TBC1D22B: variants seen among roughly 807,000 people sequenced by gnomAD.
The protein encoded by TBC1D22B is TBC1 domain family member 22B.
Under a neutral mutation model 69.1 loss-of-function variants are expected in TBC1D22B, and 32 were observed. The observed-to-expected ratio is 0.46, with a 90% CI of 0.35 to 0.62. The LOEUF (loss-of-function observed/expected upper bound fraction) is 0.62. TBC1D22B is among the 20% of genes least tolerant of loss of function. The probability of loss-of-function intolerance (pLI) is 0.00; values close to 1 mark genes in which losing one functional copy is unlikely to be tolerated. For synonymous variants in TBC1D22B, 206 were observed against 229.8 expected (o/e 0.90, Z 0.94); for missense variants, 462 against 630.9 (o/e 0.73, Z 2.87).
intron 12 of TBC1D22B, among the ~76,000 whole-genome samples, chr6:37,320,539 C>T (rs1768210178): frequency 6.6e-6 from 1 of 152,104 alleles, no homozygotes; most frequent in East Asian, 1.9e-4. Context: ...GCTTTAAAAA[C>T]CCACTTTTCT....
intron 1 of TBC1D22B, among the ~76,000 whole-genome samples, chr6:37,265,081 A>G (rs556030530): frequency 2.4e-4 from 36 of 152,184 alleles, no homozygotes; most frequent in Non-Finnish European, 4.6e-4. Context: ...TTATTATACA[A>G]AGTGTTCCAG....
At chr6:37,266,019 T>C (rs1443328520) in intron 1 of TBC1D22B, among the ~76,000 whole-genome samples, 1 of 152,246 alleles carries the variant, frequency 6.6e-6, no homozygotes, top group Non-Finnish European at 1.5e-5. Flanking sequence ...GAGTGTTTGC[T>C]GGGTAGTGTT....
intron 1 of TBC1D22B, among the ~76,000 whole-genome samples, chr6:37,267,955 A>G (rs1407279203): frequency 6.6e-6 from 1 of 152,096 alleles, no homozygotes; most frequent in Admixed American, 6.6e-5. Context: ...TCCTTTTAAC[A>G]TTTGCCAATT....
Position 37,257,819 on chromosome 6 carries a change from G to A in TBC1D22B, c.-99G>A. On this transcript the variant is annotated 5_prime_UTR_variant, in exon 1 of 13. Coordinates refer to ENST00000373491, the MANE Select transcript of TBC1D22B (RefSeq NM_017772.4). ...GAGCTGGGAGCGGGTGACCGGCGGC[G>A]GGGAAGCGGCCTGGGTTGGCCCTCA... 1 of 1,369,482 alleles carries A rather than the reference G, an allele frequency of 7.3e-7. No individual in the cohort carries two copies. The highest frequency in any genetic ancestry group is 1.0e-6 in the Non-Finnish European group (1 of 997,676). The allele number at this position is 1,369,482 out of a possible 1,614,324, so 84.8% of individuals were successfully genotyped here.
intron 7 of TBC1D22B, among the ~76,000 whole-genome samples, chr6:37,288,546 G>A (rs1767078230): frequency 6.6e-6 from 1 of 152,114 alleles, no homozygotes; most frequent in Non-Finnish European, 1.5e-5. Context: ...AGACCAGTCT[G>A]GGTAACATAG....
chr6:37,309,403 AT>A (rs1767836474), intron 8 of TBC1D22B, among the ~76,000 whole-genome samples: 1 of 152,148 alleles, frequency 6.6e-6, no homozygotes. Flanking sequence ...TTATGCTTGT[AT>A]TTGCATTGCA....
chr6:37,310,247 A>C (rs1767863070), intron 8 of TBC1D22B, among the ~76,000 whole-genome samples: 1 of 149,964 alleles, frequency 6.7e-6, no homozygotes, highest in African/African-American at 2.4e-5. Context: ...AAAACAAAAA[A>C]ACCTACATAG....
At chr6:37,285,315 C>CTTTTTTTTTTTTT (rs756459599) in intron 6 of TBC1D22B, among the ~76,000 whole-genome samples, 2 of 73,552 alleles carry the variant, frequency 2.7e-5, no homozygotes, top group African/African-American at 5.9e-5. Context: ...TCCTTCCCCA[C>CTTTTTTTTTTTTT]TTTTTTTTTT....
At chr6:37,313,345 C>T (rs1204054992) in intron 9 of TBC1D22B, among the ~76,000 whole-genome samples, 1 of 152,050 alleles carries the variant, frequency 6.6e-6, no homozygotes, top group East Asian at 1.9e-4. Flanking sequence ...TTAAAATTAG[C>T]CAGGCGTGGT....
chr6:37,288,913 G>C (rs1394093482), intron 7 of TBC1D22B, among the ~76,000 whole-genome samples: 1 of 152,026 alleles, frequency 6.6e-6, no homozygotes, highest in African/African-American at 2.4e-5. Context: ...TTAAGAGACA[G>C]GGTCTCACTC....
intron 1 of TBC1D22B, among the ~76,000 whole-genome samples, chr6:37,266,998 A>G (rs1766298206): frequency 7.4e-6 from 1 of 135,304 alleles, no homozygotes; most frequent in African/African-American, 2.8e-5. Flanking sequence ...GTGCAGTGAC[A>G]CGATGATAGG....
At chr6:37,261,180 C>G (rs968403979) in intron 1 of TBC1D22B, among the ~76,000 whole-genome samples, 1 of 151,966 alleles carries the variant, frequency 6.6e-6, no homozygotes, top group Non-Finnish European at 1.5e-5. Context: ...GCCTGTAATC[C>G]CAGAATTTTG....
At chr6:37,280,800 G>A (rs1204705320) in intron 3 of TBC1D22B, among the ~76,000 whole-genome samples, 4 of 152,168 alleles carry the variant, frequency 2.6e-5, no homozygotes, top group Non-Finnish European at 4.4e-5. Context: ...TAGTCCCCTT[G>A]TTACACTAGG....
At chr6:37,274,763 G>T (rs559965858) in intron 2 of TBC1D22B, among the ~76,000 whole-genome samples, 1 of 152,214 alleles carries the variant, frequency 6.6e-6, no homozygotes, top group South Asian at 2.1e-4. Context: ...AAATAATCTT[G>T]GTTAGGGTGG....
chr6:37,316,002 A>G (rs1768067018), intron 10 of TBC1D22B, among the ~76,000 whole-genome samples: 1 of 152,172 alleles, frequency 6.6e-6, no homozygotes, highest in South Asian at 2.1e-4. Context: ...GGTGTGAATG[A>G]TTATTCCCAT....
At chr6:37,270,127 A>G (rs984051002) in intron 2 of TBC1D22B, among the ~76,000 whole-genome samples, 10 of 152,194 alleles carry the variant, frequency 6.6e-5, no homozygotes, top group African/African-American at 2.2e-4. Flanking sequence ...GACACACTCA[A>G]AGAGACCCAG....
At chr6:37,308,243 C>T (rs1448605770) in intron 8 of TBC1D22B, among the ~76,000 whole-genome samples, 1 of 152,148 alleles carries the variant, frequency 6.6e-6, no homozygotes, top group Non-Finnish European at 1.5e-5. Context: ...TGCCCTCACT[C>T]GAGACTGCAC....
At chr6:37,278,312 C>T (rs1030760738) in intron 2 of TBC1D22B, among the ~76,000 whole-genome samples, 8 of 152,110 alleles carry the variant, frequency 5.3e-5, no homozygotes, top group Non-Finnish European at 1.0e-4. Context: ...TCAAGGCCAG[C>T]AGAAGAACTT....
intron 5 of TBC1D22B, 144 bp downstream of exon 5, chr6:37,283,096 T>G: frequency 3.0e-6 from 2 of 657,462 alleles, no homozygotes; most frequent in Non-Finnish European, 5.3e-6. Flanking sequence ...TATAGTCCTA[T>G]TTCTGTGCAT....
Sources: allele counts gnomAD v4.1 joint callset (sites outside exome capture counted in the v4.1 genomes callset), GRCh38; gene constraint gnomAD v4.1.1; transcripts MANE v1.5; gene names NCBI Gene and HGNC (gene_info 2026-07-23, HGNC 2026-07-21).